ZFHX3: variants seen among roughly 807,000 people sequenced by gnomAD.
ZFHX3 encodes zinc finger homeobox protein 3.
A neutral mutation model predicts 279.1 loss-of-function variants in ZFHX3; 42 were observed. The ratio of observed to expected loss-of-function variants is 0.15; its 90% CI spans 0.12 to 0.19. The LOEUF (loss-of-function observed/expected upper bound fraction) is 0.19. Among genes scored for constraint, ZFHX3 ranks in the 10% least tolerant of loss-of-function variants. The pLI is 1.00. For synonymous variants in ZFHX3, 2,293 were observed against 1,957.8 expected, an observed-to-expected ratio of 1.17 and a Z score of -4.52; for missense variants, 4,981 against 4,754.0, an observed-to-expected ratio of 1.05 and a Z score of -1.40.
At chr16:73,152,737 A>C (rs1047764012) in intron 5 of ZFHX3, among the ~76,000 whole-genome samples, 18 of 142,462 alleles carry the variant, frequency 1.3e-4, no homozygotes, top group African/African-American at 4.1e-4. Context: ...GAAAAGAGAG[A>C]GAGAGAAAAA....
intron 5 of ZFHX3, among the ~76,000 whole-genome samples, chr16:73,160,526 AC>A (rs957616372): frequency 6.6e-6 from 1 of 151,528 alleles, no homozygotes; most frequent in Admixed American, 6.6e-5. Context: ...TTTTTTTCCT[AC>A]CCCACAGTCA....
intron 1 of ZFHX3, among the ~76,000 whole-genome samples, chr16:73,874,499 A>G (rs1299515577): frequency 6.6e-6 from 1 of 152,152 alleles, no homozygotes; most frequent in Non-Finnish European, 1.5e-5. Context: ...CTGTTCTGAC[A>G]TTTCCTCCCC....
At chr16:73,151,347 A>C (rs1020231519) in intron 5 of ZFHX3, among the ~76,000 whole-genome samples, 1 of 152,148 alleles carries the variant, frequency 6.6e-6, no homozygotes, top group Admixed American at 6.5e-5. Context: ...CAGAGGGGAA[A>C]GGAAGGTGTG....
intron 1 of ZFHX3, among the ~76,000 whole-genome samples, chr16:73,829,337 GC>G (rs1366627782): frequency 1.4e-5 from 1 of 73,474 alleles, no homozygotes; most frequent in Non-Finnish European, 2.2e-5. Context: ...CAACTTCTTT[GC>G]CTTTGGTTTG....
chr16:73,264,945 C>CATAT (rs371162366), intron 4 of ZFHX3, among the ~76,000 whole-genome samples: 1 of 149,412 alleles, frequency 6.7e-6, no homozygotes, highest in Non-Finnish European at 1.5e-5. Context: ...TTCCATTTTA[C>CATAT]ATATATATAT....
chr16:73,215,412 A>G (rs1328820881), intron 5 of ZFHX3, among the ~76,000 whole-genome samples: 1 of 152,208 alleles, frequency 6.6e-6, no homozygotes, highest in Non-Finnish European at 1.5e-5. Flanking sequence ...AGTTTTGCCA[A>G]TTCAAACCAG....
intron 7 of ZFHX3, among the ~76,000 whole-genome samples, chr16:73,129,646 GTGTGTGCATGTATGTGTGCCCACGCC>G (rs1567396354): frequency 1.4e-5 from 2 of 144,822 alleles, no homozygotes; most frequent in African/African-American, 5.8e-5. Flanking sequence ...GTGCGTGTGC[GTGTGTGCATGTATGTGTGCCCACGCC>G]TGTGTGCATG....
intron 3 of ZFHX3, among the ~76,000 whole-genome samples, chr16:73,377,501 G>A (rs1191452238): frequency 6.6e-6 from 1 of 151,986 alleles, no homozygotes; most frequent in East Asian, 1.9e-4. Context: ...CTTCATGACA[G>A]AGGTGGTATT....
chr16:72,949,933 C>A (rs529489597), intron 3 of ZFHX3, among the ~76,000 whole-genome samples: 44 of 96,566 alleles, frequency 4.6e-4, no homozygotes, highest in African/African-American at 1.8e-3. Flanking sequence ...TTTTTTTGGT[C>A]AGATTCATGC....
At chr16:72,825,042 C>T (rs2036899189) in intron 5 of ZFHX3, among the ~76,000 whole-genome samples, 2 of 152,242 alleles carry the variant, frequency 1.3e-5, no homozygotes. Context: ...TCATGTGCTA[C>T]CACTCACCCT....
intron 5 of ZFHX3, among the ~76,000 whole-genome samples, chr16:73,231,099 T>C (rs2012757948): frequency 6.6e-6 from 1 of 152,080 alleles, no homozygotes; most frequent in Admixed American, 6.5e-5. Context: ...AGACCAAGAC[T>C]GGGAGCGGGG....
At chr16:73,270,091 C>T (rs573716116) in intron 4 of ZFHX3, among the ~76,000 whole-genome samples, 1 of 152,196 alleles carries the variant, frequency 6.6e-6, no homozygotes, top group East Asian at 1.9e-4. Flanking sequence ...GCAACATATG[C>T]AAACTAAAAT....
chr16:73,494,752 G>A (rs1803773772), intron 2 of ZFHX3, among the ~76,000 whole-genome samples: 1 of 151,238 alleles, frequency 6.6e-6, no homozygotes, highest in Middle Eastern at 3.4e-3. Flanking sequence ...ATTTTTAGCA[G>A]AGATGGGGTT....
At chr16:73,670,128 C>T (rs1056196661) in intron 2 of ZFHX3, among the ~76,000 whole-genome samples, 2 of 152,300 alleles carry the variant, frequency 1.3e-5, no homozygotes, top group Non-Finnish European at 1.5e-5. Context: ...CCTCGCAGAC[C>T]AACACTGCAC....
intron 2 of ZFHX3, among the ~76,000 whole-genome samples, chr16:73,589,386 T>C (rs2051967096): frequency 1.4e-5 from 2 of 146,388 alleles, no homozygotes; most frequent in Non-Finnish European, 3.0e-5. Context: ...CAGTGTGCTA[T>C]GATCACACTA....
intron 5 of ZFHX3, among the ~76,000 whole-genome samples, chr16:73,200,927 G>A (rs188220244): frequency 3.4e-4 from 52 of 152,244 alleles, no homozygotes; most frequent in Non-Finnish European, 6.8e-4. Context: ...GCCTTGGGAC[G>A]TACTGAGATA....
At chr16:73,338,302 A>G (rs563855377) in intron 3 of ZFHX3, among the ~76,000 whole-genome samples, 28 of 152,238 alleles carry the variant, frequency 1.8e-4, no homozygotes, top group Admixed American at 1.1e-3. Flanking sequence ...CACACACACT[A>G]CTGACAGTTT....
Position 72,960,086 on chromosome 16 carries a change from C to G in ZFHX3, c.60G>C (p.Gln20His), listed in dbSNP as rs374987997. The change falls in exon 2 of 10, where the codon CAG becomes CAC. Residue 20 changes from glutamine to histidine, a missense_variant. This residue lies in a region of ZFHX3 where 1,068 missense variants were observed against 935.2 expected (regional missense o/e 1.14). Transcript: ENST00000268489. ...TGTTGAGTTCAGTCCATTGCTGGTG[C>G]TGAGGGATACCGCACCCATTGTCCT... ...SGKDNGCGIPQHQQWTELNST... is the reference protein window; with the variant it reads ...SGKDNGCGIPHHQQWTELNST... 1.7e-5 allele frequency: 27 copies of G among 1,612,380 alleles called. No homozygotes were observed. The South Asian group carries it at 2.0e-4, about 12-fold the overall frequency.
intron 3 of ZFHX3, among the ~76,000 whole-genome samples, chr16:73,361,660 C>T (rs949786087): frequency 6.6e-6 from 1 of 152,184 alleles, no homozygotes; most frequent in East Asian, 1.9e-4. Flanking sequence ...TCTCCTTCCC[C>T]CCACTGTAAA....
Sources: allele counts gnomAD v4.1 joint callset (sites outside exome capture counted in the v4.1 genomes callset), GRCh38; gene constraint gnomAD v4.1.1; regional missense constraint gnomAD v4.1.1; transcripts MANE v1.5; gene names NCBI Gene and HGNC (gene_info 2026-07-23, HGNC 2026-07-21).